The following UBE2W variants were observed in gnomAD, a reference collection of about 807,000 sequenced individuals.
The protein encoded by UBE2W is ubiquitin conjugating enzyme E2 W, also known as ubiquitin-conjugating enzyme E2 W.
UBE2W carries 18 observed loss-of-function variants against 27.2 expected under a neutral mutation model. That is an observed-to-expected ratio of 0.66 (90% CI 0.46 to 0.98). The LOEUF (loss-of-function observed/expected upper bound fraction) is 0.98. Ranked by LOEUF, UBE2W falls within the 50% of genes least tolerant of loss-of-function variation. UBE2W has a pLI of 0.00. For missense variants in UBE2W, 90 were observed against 180.2 expected (o/e 0.50, Z 2.87); for synonymous variants, 53 against 57.2 (o/e 0.93, Z 0.33).
At position 73,805,455 on chromosome 8, in the gene UBE2W, A is replaced by AAAAAAAAAAAAC. The variant is rs1491310608; in HGVS notation, c.442+195_442+196insGTTTTTTTTTTT. 6.8e-5 allele frequency among the ~76,000 whole-genome samples: 2 copies of AAAAAAAAAAAAC among 29,524 alleles called. 1 individual carries two copies. The highest frequency in any genetic ancestry group is 1.8e-4 in the Non-Finnish European group (2 of 11,384). The allele number at this position is 29,524 out of a possible 152,430, so 19.4% of individuals were successfully genotyped here. On this transcript the variant is annotated intron_variant, in intron 5 of 5. Coordinates refer to ENST00000602593, the MANE Select transcript of UBE2W (RefSeq NM_018299.6). ...GGCAACAAGAGCAAAACTCCATCTCAAAAAAAAAAAAAAAAACAAAAAAAA... is the reference window on the plus strand; with the variant it reads ...GGCAACAAGAGCAAAACTCCATCTCAAAAAAAAAAAACAAAAAAAAAAAAAAAACAAAAAAAA...
At chr8:73,781,629 T>A (rs931280240), downstream of UBE2W, among the ~76,000 whole-genome samples, 4 of 151,150 alleles carry the variant, frequency 2.6e-5, no homozygotes, top group Non-Finnish European at 5.9e-5. Context: ...GTTTTTTTTT[T>A]TTTTTTTTAT....
rs116629108 is a variant in UBE2W, at chr8:73,820,209, C to T, written c.210+4938G>A. Among the ~76,000 whole-genome samples the T allele has an allele frequency of 3.4e-3, 524 of 152,202 alleles. 5 individuals carry two copies. Among genetic ancestry groups the T allele is most frequent in the African/African-American group, 0.012 (499 of 41,534 alleles). ...TAGAGGACTGGTTCTAGCCACTTTC[C>T]CAGGGCAGTGGATCTCTGCAAAGTT... On this transcript the variant is annotated intron_variant, in intron 3 of 5. Transcript: ENST00000602593.
chr8:73,861,915 TC>T (rs1382974680), intron 1 of UBE2W, among the ~76,000 whole-genome samples: 1 of 152,194 alleles, frequency 6.6e-6, no homozygotes, highest in Non-Finnish European at 1.5e-5. Flanking sequence ...AAATGGGTGG[TC>T]TTTGACAGAA....
intron 1 of UBE2W, among the ~76,000 whole-genome samples, chr8:73,833,369 AATG>A (rs1810169933): frequency 6.6e-6 from 1 of 151,808 alleles, no homozygotes; most frequent in Non-Finnish European, 1.5e-5. Context: ...TAAAATTTTA[AATG>A]ATTTTATATG....
Position 73,787,311 on chromosome 8 carries a change from TGA to T in UBE2W, c.*6789_*6790del. On this transcript the variant is annotated 3_prime_UTR_variant, in exon 6 of 6. Coordinates refer to ENST00000602593, the MANE Select transcript of UBE2W (RefSeq NM_018299.6). ...AATTTTGTTACGTGTTATGTTAGTG[TGA>T]AAATGAGTAAGAAATATAGGGAGGA... The T allele has an allele frequency of 4.1e-6, 4 of 985,392 alleles. No individual in the cohort carries two copies. The highest frequency in any genetic ancestry group is 4.8e-6 in the Non-Finnish European group (4 of 829,930). 61.0% of individuals were successfully genotyped at this position (985,392 alleles called of 1,614,324 possible).
At chr8:73,857,305 A>C (rs1280431011) in intron 1 of UBE2W, among the ~76,000 whole-genome samples, 1 of 152,182 alleles carries the variant, frequency 6.6e-6, no homozygotes, top group Non-Finnish European at 1.5e-5. Flanking sequence ...AAAATACAGC[A>C]AAAATGTTTA....
intron 3 of UBE2W, among the ~76,000 whole-genome samples, chr8:73,824,599 A>G (rs927841054): frequency 1.3e-5 from 2 of 152,080 alleles, no homozygotes; most frequent in African/African-American, 4.8e-5. Context: ...ATGGAAGACA[A>G]TTTTTCCATG....
At chr8:73,876,229 A>T (rs1398244478) in intron 1 of UBE2W, among the ~76,000 whole-genome samples, 1 of 151,806 alleles carries the variant, frequency 6.6e-6, no homozygotes, top group Admixed American at 6.6e-5. Flanking sequence ...CCAAAAGATA[A>T]CTGGCTCAGT....
At chr8:73,785,644 T>G (rs1807928108), downstream of UBE2W, among the ~76,000 whole-genome samples, 1 of 151,590 alleles carries the variant, frequency 6.6e-6, no homozygotes, top group Non-Finnish European at 1.5e-5. Flanking sequence ...CAGGCTGGAG[T>G]GCAATGGCAT....
At chr8:73,823,599 C>A (rs1002629813) in intron 3 of UBE2W, among the ~76,000 whole-genome samples, 1 of 152,184 alleles carries the variant, frequency 6.6e-6, no homozygotes, top group African/African-American at 2.4e-5. Context: ...CAGAAAGCAA[C>A]AAAAGTGATG....
chr8:73,793,960 G>A lies in UBE2W; in HGVS notation c.*142C>T, dbSNP rs73322646. The A allele has an allele frequency of 1.7e-5, 25 of 1,478,512 alleles. No individual in the cohort carries two copies. Among genetic ancestry groups the A allele is most frequent in the Non-Finnish European group, 1.5e-5 (17 of 1,113,544 alleles). 91.6% of individuals were successfully genotyped at this position (1,478,512 alleles called of 1,614,324 possible). Reference sequence around the variant, plus strand: ...ATCAACATGCGCCCAGAATGCACACGAGTAAAAATGCAGTAAAAGGAAGTA... The same window carrying A: ...ATCAACATGCGCCCAGAATGCACACAAGTAAAAATGCAGTAAAAGGAAGTA... On this transcript the variant is annotated 3_prime_UTR_variant, in exon 6 of 6. Coordinates refer to ENST00000602593, the MANE Select transcript of UBE2W (RefSeq NM_018299.6).
intron 4 of UBE2W, among the ~76,000 whole-genome samples, chr8:73,808,057 CCTGA>C (rs1220316471): frequency 2.0e-5 from 3 of 152,110 alleles, no homozygotes; most frequent in East Asian, 3.8e-4. Flanking sequence ...TGGAACCACT[CCTGA>C]CTGTGTAAAA....
intron 1 of UBE2W, among the ~76,000 whole-genome samples, chr8:73,847,216 TA>T (rs1810848798): frequency 6.6e-6 from 1 of 152,038 alleles, no homozygotes; most frequent in Admixed American, 6.6e-5. Flanking sequence ...CTAGAATTCG[TA>T]ATTCACAAAA....
At chr8:73,864,763 C>CG (rs1188479053) in intron 1 of UBE2W, among the ~76,000 whole-genome samples, 298 of 26,312 alleles carry the variant, frequency 0.011, 4 homozygotes, top group African/African-American at 0.045. Flanking sequence ...GGGGGGGGGG[C>CG]GGGGGGGGCT....
intron 1 of UBE2W, among the ~76,000 whole-genome samples, chr8:73,847,450 G>A (rs1810859253): frequency 6.6e-6 from 1 of 151,332 alleles, no homozygotes; most frequent in African/African-American, 2.4e-5. Flanking sequence ...TTGTAAACTT[G>A]GATATAGAAA....
At chr8:73,853,299 T>A (rs1229948636) in intron 1 of UBE2W, among the ~76,000 whole-genome samples, 1 of 152,174 alleles carries the variant, frequency 6.6e-6, no homozygotes, top group East Asian at 1.9e-4. Flanking sequence ...GTTGGTTAGA[T>A]GGATTATTTA....
downstream of UBE2W, among the ~76,000 whole-genome samples, chr8:73,783,965 G>T (rs1018995981): frequency 7.2e-5 from 11 of 152,022 alleles, no homozygotes; most frequent in Non-Finnish European, 1.5e-4. Context: ...TGGCTAGGCT[G>T]ATCTCAAACT....
chr8:73,834,580 C>T (rs936093254), intron 1 of UBE2W, among the ~76,000 whole-genome samples: 2 of 152,002 alleles, frequency 1.3e-5, no homozygotes, highest in African/African-American at 4.8e-5. Flanking sequence ...AGTTGGAGTC[C>T]AGCCTGGGCA....
chr8:73,868,704 GA>G (rs79830383), intron 1 of UBE2W, among the ~76,000 whole-genome samples: 232 of 130,336 alleles, frequency 1.8e-3, no homozygotes, highest in Middle Eastern at 3.8e-3. Context: ...TGCTTGGTGT[GA>G]AAAAAAAAAA....
Sources: gnomAD v4.1 joint callset for allele counts (sites outside exome capture counted in the v4.1 genomes callset) on GRCh38, gnomAD v4.1.1 for gene constraint, MANE v1.5 for transcripts, NCBI Gene and HGNC (gene_info 2026-07-23, HGNC 2026-07-21) for gene names.